Variants in PRRC2B observed in about 807,000 individuals in gnomAD.
PRRC2B encodes protein PRRC2B.
A neutral mutation model predicts 242.3 loss-of-function variants in PRRC2B; 68 were observed. The ratio of observed to expected loss-of-function variants is 0.28; its 90% CI spans 0.23 to 0.34. The LOEUF (loss-of-function observed/expected upper bound fraction) is 0.34. PRRC2B is among the 10% of genes least tolerant of loss of function. PRRC2B has a pLI of 1.00. For synonymous variants in PRRC2B, 1,228 were observed against 1,173.6 expected, an observed-to-expected ratio of 1.05 and a Z score of -0.95; for missense variants, 2,835 against 2,954.8, an observed-to-expected ratio of 0.96 and a Z score of 0.94.
chr9:131,487,078 A>C lies in PRRC2B; in HGVS notation c.5857-89A>C. ...AATTTTGGGCAGTGTTCCAGCAGCC[A>C]TGTGGAGAGGGGCAGGGGAGGTGGG... On this transcript the variant is annotated intron_variant, in intron 26 of 31. Coordinates refer to ENST00000683519, the MANE Select transcript of PRRC2B (RefSeq NM_013318.4). The surrounding 1 kb of genome is among the most constrained non-coding windows in gnomAD (Gnocchi z 5.3). The C allele has an allele frequency of 8.6e-7, 1 of 1,162,808 alleles. No individual in the cohort carries two copies. The highest frequency in any genetic ancestry group is 1.3e-5 in the South Asian group (1 of 78,398). 72.0% of individuals were successfully genotyped at this position (1,162,808 alleles called of 1,614,324 possible).
chr9:131,470,029 A>C (rs1285803019), intron 13 of PRRC2B, among the ~76,000 whole-genome samples: 1 of 151,938 alleles, frequency 6.6e-6, no homozygotes, highest in African/African-American at 2.4e-5. Context: ...CTAGAGGAGG[A>C]TGTGTTTAAA....
At chr9:131,388,923 C>G (rs1836862331) in intron 1 of PRRC2B, among the ~76,000 whole-genome samples, 1 of 148,770 alleles carries the variant, frequency 6.7e-6, no homozygotes. Flanking sequence ...TCACTGCAAC[C>G]TCCCCCTCCC....
intron 28 of PRRC2B, 152 bp from the exon 29 acceptor site, chr9:131,491,273 G>A: frequency 1.3e-6 from 1 of 775,492 alleles, no homozygotes; most frequent in East Asian, 2.9e-5. Context: ...CTGTGCTGCA[G>A]TAGAAATTAG....
intron 28 of PRRC2B, 144 bp from the exon 29 acceptor site, chr9:131,491,281 T>C (rs1588284390): frequency 3.6e-6 from 3 of 830,866 alleles, no homozygotes; most frequent in Non-Finnish European, 3.7e-6. Context: ...CAGTAGAAAT[T>C]AGAGCATGTC....
At chr9:131,478,019 C>T in intron 17 of PRRC2B, 70 bp downstream of exon 17, 1 of 1,405,198 alleles carries the variant, frequency 7.1e-7, no homozygotes, top group South Asian at 1.2e-5. Flanking sequence ...CCTCGGGCCT[C>T]CCGAGTTTGC....
At chr9:131,416,100 GTTTTC>G (rs997818777) in intron 1 of PRRC2B, among the ~76,000 whole-genome samples, 4 of 149,976 alleles carry the variant, frequency 2.7e-5, no homozygotes, top group African/African-American at 1.0e-4. Flanking sequence ...CCTCTTCTTC[GTTTTC>G]TTTTCTTTCT....
chr9:131,481,410 A>G (rs1049306704), intron 19 of PRRC2B, among the ~76,000 whole-genome samples: 3 of 152,148 alleles, frequency 2.0e-5, no homozygotes, highest in Admixed American at 1.3e-4. Flanking sequence ...AAGCATGAGC[A>G]TAGCGGAAAT....
intron 1 of PRRC2B, among the ~76,000 whole-genome samples, chr9:131,384,089 T>C (rs1208860452): frequency 7.7e-4 from 111 of 144,802 alleles, no homozygotes; most frequent in African/African-American, 2.7e-3. Context: ...GGCTATTTTT[T>C]TTTTTTTTTT....
At chr9:131,444,448 C>T (rs1588254752) in intron 6 of PRRC2B, 120 bp downstream of exon 6, 1 of 46,314 alleles carries the variant, frequency 2.2e-5, no homozygotes, top group Non-Finnish European at 3.6e-5. Flanking sequence ...GGAAACGTGG[C>T]TCTTTGACTC....
In PRRC2B at chr9:131,482,914, CTTTGA is replaced by C; in HGVS notation, c.5373+12_5373+16del. 6.2e-7 allele frequency: 1 copy of C among 1,600,412 alleles called. No individual in the cohort carries two copies. Among genetic ancestry groups the C allele is most frequent in the Non-Finnish European group, 8.5e-7 (1 of 1,173,284 alleles). The stretch of plus-strand genomic sequence containing the variant: ...ATTTGGAGTCAGTCCAAAAGTGAGG[CTTTGA>C]TTTGTTTTCTTGCTTGCTTTTTTTA... On this transcript the variant is annotated splice_region_variant and intron_variant, in intron 22 of 31. Coordinates refer to ENST00000683519, the MANE Select transcript of PRRC2B (RefSeq NM_013318.4). The surrounding 1 kb of genome is among the most constrained non-coding windows in gnomAD (Gnocchi z 5.2).
In PRRC2B at chr9:131,453,349, G is replaced by C. The variant is rs564174405; in HGVS notation, c.1121-1727G>C. ...ACTTGCTTTTTCAGTTCCTAACTCT[G>C]CTTTTTAATTAGATTGAGTTTTTGT... On this transcript the variant is annotated intron_variant, in intron 9 of 31. Coordinates refer to ENST00000683519, the MANE Select transcript of PRRC2B (RefSeq NM_013318.4). Among the ~76,000 whole-genome samples the C allele has an allele frequency of 1.3e-3, 191 of 152,086 alleles. 1 individual carries two copies. The highest frequency in any genetic ancestry group is 4.0e-3 in the African/African-American group (166 of 41,506).
intron 25 of PRRC2B, among the ~76,000 whole-genome samples, chr9:131,485,414 C>G (rs1943991036): frequency 6.6e-6 from 1 of 152,170 alleles, no homozygotes; most frequent in African/African-American, 2.4e-5. Flanking sequence ...TGAGTCAGAC[C>G]TGGGTCATGT....
intron 9 of PRRC2B, chr9:131,448,014 C>A: frequency 2.3e-6 from 1 of 433,374 alleles, no homozygotes; most frequent in Non-Finnish European, 4.0e-6. Flanking sequence ...TTCTTTTGGT[C>A]TTTAGTCTTG....
intron 13 of PRRC2B, among the ~76,000 whole-genome samples, chr9:131,470,539 A>T (rs949156223): frequency 2.6e-5 from 4 of 152,142 alleles, no homozygotes; most frequent in African/African-American, 9.7e-5. Context: ...CGTGTAGCAC[A>T]GGCACAGATG....
chr9:131,411,140 C>G (rs1837495530), intron 1 of PRRC2B, among the ~76,000 whole-genome samples: 1 of 151,530 alleles, frequency 6.6e-6, no homozygotes, highest in African/African-American at 2.4e-5. Context: ...ACCTGTAATC[C>G]CAGCTACTTG....
At chr9:131,384,425 G>A (rs893403530) in intron 1 of PRRC2B, among the ~76,000 whole-genome samples, 3 of 152,222 alleles carry the variant, frequency 2.0e-5, no homozygotes, top group Non-Finnish European at 2.9e-5. Flanking sequence ...TGGGATTACA[G>A]GCACGCACCA....
In PRRC2B at chr9:131,446,275, T is replaced by C. The variant is rs1588255732; in HGVS notation, c.614-126T>C. 1 of 1,155,948 alleles carries C rather than the reference T, an allele frequency of 8.7e-7. No individual in the cohort carries two copies. Among genetic ancestry groups the C allele is most frequent in the Non-Finnish European group, 1.2e-6 (1 of 833,528 alleles). The allele number at this position is 1,155,948 out of a possible 1,614,324, so 71.6% of individuals were successfully genotyped here. A position where few individuals can be genotyped will look rare whatever the true frequency, so the allele number is the denominator to read the frequency against. On this transcript the variant is annotated intron_variant, in intron 6 of 31. Coordinates refer to ENST00000683519, the MANE Select transcript of PRRC2B (RefSeq NM_013318.4). This position sits in a 1 kb window ranked among gnomAD's most constrained non-coding sequence, Gnocchi z 4.1. The stretch of plus-strand genomic sequence containing the variant: ...GACAGATTTAACAGTTCTTCACTTT[T>C]GGTGTTTTTTGTTTTTCATTTTATT...
Position 131,482,596 on chromosome 9 carries a change from C to G in PRRC2B, c.5175+34C>G, listed in dbSNP as rs577162329. ...GACGTTCCAGTCACAGTGGCCAGGG[C>G]CTGGGTGGAAGGGGCCATCGTCTCA... On this transcript the variant is annotated intron_variant, in intron 21 of 31. Coordinates refer to ENST00000683519, the MANE Select transcript of PRRC2B (RefSeq NM_013318.4). This position sits in a 1 kb window ranked among gnomAD's most constrained non-coding sequence, Gnocchi z 5.2. 2.6e-6 allele frequency: 4 copies of G among 1,560,660 alleles called. No individual in the cohort carries two copies. In the Admixed American group the frequency reaches 7.5e-5, roughly 29 times the overall value.
Position 131,482,955 on chromosome 9 carries a change from T to G in PRRC2B, c.5373+48T>G, listed in dbSNP as rs1273929183. 6.4e-7 allele frequency: 1 copy of G among 1,553,332 alleles called. No homozygotes were observed. Among genetic ancestry groups the G allele is most frequent in the African/African-American group, 1.4e-5 (1 of 73,198 alleles). On this transcript the variant is annotated intron_variant, in intron 22 of 31. Transcript: ENST00000683519. The surrounding 1 kb of genome is among the most constrained non-coding windows in gnomAD (Gnocchi z 5.2). The stretch of plus-strand genomic sequence containing the variant: ...TGCTTGCTTTTTTTACTTTTTATTT[T>G]GGTACTTGGAGAGGCTGGGGGCTCA...
Sources: gnomAD v4.1 joint callset for allele counts (sites outside exome capture counted in the v4.1 genomes callset) on GRCh38, gnomAD v4.1.1 for gene constraint, Gnocchi (gnomAD v3.1) non-coding constraint, MANE v1.5 for transcripts, NCBI Gene and HGNC (gene_info 2026-07-23, HGNC 2026-07-21) for gene names.